Variants in CORIN observed in about 807,000 individuals in gnomAD.
CORIN encodes atrial natriuretic peptide-converting enzyme.
CORIN carries 117 observed loss-of-function variants against 125.3 expected under a neutral mutation model. That is an observed-to-expected ratio of 0.93 (90% confidence interval 0.80 to 1.09). CORIN has a LOEUF of 1.09. Among genes scored for constraint, CORIN ranks in the 50% least tolerant of loss-of-function variants. The probability of loss-of-function intolerance (pLI) is 0.00; values close to 1 mark genes in which losing one functional copy is unlikely to be tolerated. For missense variants in CORIN, 1,253 were observed against 1,306.7 expected, an observed-to-expected ratio of 0.96 and a Z score of 0.63; for synonymous variants, 450 against 466.4, an observed-to-expected ratio of 0.96 and a Z score of 0.45.
chr4:47,752,253 A>G (rs997409503), intron 4 of CORIN, among the ~76,000 whole-genome samples: 2 of 152,032 alleles, frequency 1.3e-5, no homozygotes, highest in Admixed American at 6.5e-5. Flanking sequence ...ACGAGTATTT[A>G]TTATCTGTCT....
At chr4:47,654,455 A>G (rs756180161) in intron 12 of CORIN, among the ~76,000 whole-genome samples, 1 of 152,170 alleles carries the variant, frequency 6.6e-6, no homozygotes, top group South Asian at 2.1e-4. Context: ...TGAATCACCA[A>G]CACCACCCCT....
intron 19 of CORIN, among the ~76,000 whole-genome samples, chr4:47,611,126 G>A (rs1343413237): frequency 6.6e-6 from 1 of 152,090 alleles, no homozygotes; most frequent in Non-Finnish European, 1.5e-5. Context: ...TTCTAATTCT[G>A]TGAAGAATGT....
chr4:47,608,404 T>C (rs1046688189), intron 19 of CORIN, among the ~76,000 whole-genome samples: 4 of 152,282 alleles, frequency 2.6e-5, no homozygotes, highest in Non-Finnish European at 5.9e-5. Context: ...TAAAGGGAAT[T>C]ACTTGCCATT....
At chr4:47,640,076 G>A (rs1723177152) in intron 16 of CORIN, among the ~76,000 whole-genome samples, 1 of 151,964 alleles carries the variant, frequency 6.6e-6, no homozygotes, top group African/African-American at 2.4e-5. Flanking sequence ...GTCCTTCTGT[G>A]AAATAAAATA....
chr4:47,600,271 G>A lies in CORIN; in HGVS notation c.2889C>T (p.Thr963=). 1 of 1,613,658 alleles carries A rather than the reference G, an allele frequency of 6.2e-7. No individual in the cohort carries two copies. Among genetic ancestry groups the A allele is most frequent in the South Asian group, 1.1e-5 (1 of 91,036 alleles). The change falls in exon 21 of 22, where the codon ACC becomes ACT. Residue 963 remains threonine (T), a synonymous_variant. Transcript: ENST00000273857. ...CAGCACATATCATCCGAGTGGTGAT[G>A]GTCTTCATGTCAAAGTAGGACTGAC... ...EHCQSYFDMK[T]ITTRMICAGY... is the part of the protein sequence containing the mutation.
intron 12 of CORIN, among the ~76,000 whole-genome samples, chr4:47,655,371 T>C (rs141880984): frequency 7.1e-4 from 108 of 152,302 alleles, no homozygotes; most frequent in Non-Finnish European, 1.3e-3. Context: ...AAGTGAATTC[T>C]TGGGGTCTCT....
intron 5 of CORIN, among the ~76,000 whole-genome samples, chr4:47,702,918 T>C (rs1182628038): frequency 6.6e-6 from 1 of 152,020 alleles, no homozygotes; most frequent in Non-Finnish European, 1.5e-5. Flanking sequence ...GCATTCTTTT[T>C]TTTTCTTTTT....
At chr4:47,772,122 T>G (rs1730071023) in intron 3 of CORIN, among the ~76,000 whole-genome samples, 2 of 152,208 alleles carry the variant, frequency 1.3e-5, no homozygotes, top group Admixed American at 1.3e-4. Flanking sequence ...GATAGGTAGA[T>G]AGATAATTGT....
chr4:47,634,506 T>C (rs6447572), intron 16 of CORIN, among the ~76,000 whole-genome samples: 146,647 of 152,138 alleles, frequency 0.96, 70,726 homozygotes, highest in East Asian at 1. Context: ...TGGTGGTGAG[T>C]GCCTGTAATC....
chr4:47,673,520 G>A (rs567209981), intron 10 of CORIN, among the ~76,000 whole-genome samples: 4 of 152,258 alleles, frequency 2.6e-5, no homozygotes, highest in African/African-American at 9.6e-5. Flanking sequence ...CAGAGCCCAG[G>A]AGTCAGAAAT....
intron 16 of CORIN, among the ~76,000 whole-genome samples, chr4:47,639,628 C>G (rs183360932): frequency 2.4e-4 from 37 of 152,350 alleles, no homozygotes; most frequent in African/African-American, 8.7e-4. Flanking sequence ...CCACTTCCCT[C>G]CTTGTGCAGC....
chr4:47,620,602 T>C (rs1722267943), intron 19 of CORIN, among the ~76,000 whole-genome samples: 1 of 152,156 alleles, frequency 6.6e-6, no homozygotes, highest in African/African-American at 2.4e-5. Context: ...TTAAGGTAAA[T>C]GAGTGTGGGA....
chr4:47,808,530 C>G (rs1731909016), intron 1 of CORIN, among the ~76,000 whole-genome samples: 1 of 152,114 alleles, frequency 6.6e-6, no homozygotes, highest in South Asian at 2.1e-4. Flanking sequence ...ATGATGACAC[C>G]TTCTGTAATT....
intron 4 of CORIN, 110 bp from the exon 5 acceptor site, chr4:47,744,693 A>T: frequency 9.6e-7 from 1 of 1,040,674 alleles, no homozygotes; most frequent in Non-Finnish European, 1.3e-6. Context: ...CTTAATTTAT[A>T]CTTACTATAG....
At chr4:47,689,670 T>G (rs886420515) in intron 6 of CORIN, among the ~76,000 whole-genome samples, 1 of 152,220 alleles carries the variant, frequency 6.6e-6, no homozygotes, top group Non-Finnish European at 1.5e-5. Flanking sequence ...ACTTGCTATG[T>G]CCTAGGCACT....
At chr4:47,671,800 A>T (rs1196715775) in intron 10 of CORIN, among the ~76,000 whole-genome samples, 1 of 151,958 alleles carries the variant, frequency 6.6e-6, no homozygotes, top group Non-Finnish European at 1.5e-5. Context: ...CATGTTAGCC[A>T]GGATGGTCTC....
chr4:47,612,561 G>A (rs1242930386), intron 19 of CORIN, among the ~76,000 whole-genome samples: 1 of 152,092 alleles, frequency 6.6e-6, no homozygotes, highest in Admixed American at 6.6e-5. Flanking sequence ...ATGTAAACAG[G>A]GATTCATTGT....
chr4:47,723,471 G>A (rs1343152746), intron 5 of CORIN, among the ~76,000 whole-genome samples: 1 of 152,128 alleles, frequency 6.6e-6, no homozygotes, highest in Non-Finnish European at 1.5e-5. Flanking sequence ...ATACACTCAT[G>A]GGGAGGATCC....
rs1315692264 is a variant in CORIN at position 47,600,198 on chromosome 4, C to T, written c.2946+16G>A. The T allele has an allele frequency of 1.3e-6, 2 of 1,598,852 alleles. No individual in the cohort carries two copies. Among genetic ancestry groups the T allele is most frequent in the Admixed American group, 3.4e-5 (2 of 59,098 alleles). ...TTGTTGAACTGAATCTCCTTGGTAA[C>T]CAGAAAGCAACTTACCATGCATGAA... On this transcript the variant is annotated intron_variant, in intron 21 of 21. Transcript: ENST00000273857.
Sources: gnomAD v4.1 joint callset for allele counts (sites outside exome capture counted in the v4.1 genomes callset) on GRCh38, gnomAD v4.1.1 for gene constraint, MANE v1.5 for transcripts, NCBI Gene and HGNC (gene_info 2026-07-23, HGNC 2026-07-21) for gene names.